CTNNBL1: variants seen among roughly 807,000 people sequenced by gnomAD.
CTNNBL1 encodes the protein beta-catenin-like protein 1.
A neutral mutation model predicts 72.7 loss-of-function variants in CTNNBL1; 31 were observed. The observed-to-expected ratio is 0.43, with a 90% CI of 0.32 to 0.58. The LOEUF (loss-of-function observed/expected upper bound fraction) is 0.58. CTNNBL1 is among the 20% of genes least tolerant of loss of function. The pLI is 0.08. For synonymous variants in CTNNBL1, 240 were observed against 267.3 expected (o/e 0.90, Z 1.00); for missense variants, 534 against 725.1 (o/e 0.74, Z 3.03).
At position 37,775,171 on chromosome 20, in the gene CTNNBL1, T is replaced by A. The variant is rs115345364; in HGVS notation, c.751-2174T>A. ...ACAATTTATTAGCCATTTGAGAAGA[T>A]AATACACACAAATTGAAAGAAAAAA... is the stretch of plus-strand genomic sequence containing the variant. On this transcript the variant is annotated intron_variant, in intron 7 of 15. Coordinates refer to ENST00000361383, the MANE Select transcript of CTNNBL1 (RefSeq NM_030877.5). Among the ~76,000 whole-genome samples, 1,107 of 152,332 alleles carry A rather than the reference T, an allele frequency of 7.3e-3. 15 individuals are homozygous for A. The highest frequency in any genetic ancestry group is 0.026 in the African/African-American group (1,065 of 41,580).
At chr20:37,771,508 CCA>C (rs923711653) in intron 7 of CTNNBL1, among the ~76,000 whole-genome samples, 31 of 152,158 alleles carry the variant, frequency 2.0e-4, no homozygotes, top group African/African-American at 7.2e-4. Flanking sequence ...TTACCCAGGC[CCA>C]GTTTGACCTT....
At chr20:37,812,253 T>C (rs947832575) in intron 11 of CTNNBL1, among the ~76,000 whole-genome samples, 2 of 152,236 alleles carry the variant, frequency 1.3e-5, no homozygotes, top group Non-Finnish European at 2.9e-5. Context: ...GCATTCAATA[T>C]GGTAATATAG....
At chr20:37,787,878 C>T (rs1425548342) in intron 10 of CTNNBL1, among the ~76,000 whole-genome samples, 1 of 151,910 alleles carries the variant, frequency 6.6e-6, no homozygotes, top group East Asian at 1.9e-4. Flanking sequence ...AGAAATGTGG[C>T]TTTATTTCTT....
intron 11 of CTNNBL1, among the ~76,000 whole-genome samples, chr20:37,811,143 G>T (rs2072009095): frequency 6.6e-6 from 1 of 152,096 alleles, no homozygotes; most frequent in Admixed American, 6.5e-5. Context: ...CTAGAGGCGG[G>T]CTGTAAATAT....
At chr20:37,724,714 A>G (rs1395240701) in intron 1 of CTNNBL1, among the ~76,000 whole-genome samples, 1 of 152,196 alleles carries the variant, frequency 6.6e-6, no homozygotes, top group African/African-American at 2.4e-5. Context: ...ATCCAGATGT[A>G]CACAAGCATT....
intron 1 of CTNNBL1, among the ~76,000 whole-genome samples, chr20:37,712,278 A>T (rs1164210341): frequency 6.6e-6 from 1 of 152,194 alleles, no homozygotes; most frequent in East Asian, 1.9e-4. Context: ...GGAGAGAATG[A>T]AGAAAGCATC....
chr20:37,792,022 G>A (rs1403341825), intron 10 of CTNNBL1, among the ~76,000 whole-genome samples: 1 of 152,102 alleles, frequency 6.6e-6, no homozygotes, highest in African/African-American at 2.4e-5. Context: ...ATTTGTTCCA[G>A]TAGTCTTTTT....
At chr20:37,733,717 CA>C (rs2073149188) in intron 2 of CTNNBL1, among the ~76,000 whole-genome samples, 3 of 152,168 alleles carry the variant, frequency 2.0e-5, no homozygotes, top group Admixed American at 2.0e-4. Flanking sequence ...TGTAGCCCTG[CA>C]AGCCATTCTC....
At chr20:37,827,332 A>G (rs950767293) in intron 11 of CTNNBL1, among the ~76,000 whole-genome samples, 12 of 152,236 alleles carry the variant, frequency 7.9e-5, no homozygotes, top group African/African-American at 1.9e-4. Flanking sequence ...GTAAATATCT[A>G]GGAATGGAAT....
At chr20:37,775,195 AAT>A (rs969377302) in intron 7 of CTNNBL1, among the ~76,000 whole-genome samples, 14 of 152,214 alleles carry the variant, frequency 9.2e-5, no homozygotes, top group Non-Finnish European at 1.6e-4. Flanking sequence ...TGAAAGAAAA[AAT>A]ATTTTTATTT....
Position 37,694,058 on chromosome 20 carries a change from C to T in CTNNBL1, c.-65C>T. On this transcript the variant is annotated 5_prime_UTR_variant, in exon 1 of 16. Coordinates refer to ENST00000361383, the MANE Select transcript of CTNNBL1 (RefSeq NM_030877.5). ...CTTTACGGCAGTGTGGCTGGAGCCG[C>T]GGCTGACGGGCCCGCGGTCTGGGCG... 1 of 1,562,758 alleles carries T rather than the reference C, an allele frequency of 6.4e-7. No homozygotes were observed. The highest frequency in any genetic ancestry group is 8.7e-7 in the Non-Finnish European group (1 of 1,149,818).
At chr20:37,871,817 G>A (rs1568821649) in intron 15 of CTNNBL1, 108 bp from the exon 16 acceptor site, 10 of 956,056 alleles carry the variant, frequency 1.0e-5, no homozygotes, top group African/African-American at 9.7e-5. Context: ...GCATTAGGGC[G>A]ACTTGCACCT....
chr20:37,854,761 G>A (rs1323457510), intron 13 of CTNNBL1, among the ~76,000 whole-genome samples: 1 of 151,754 alleles, frequency 6.6e-6, no homozygotes, highest in Non-Finnish European at 1.5e-5. Context: ...GTTAATTTTT[G>A]AATTTTTAGT....
intron 11 of CTNNBL1, among the ~76,000 whole-genome samples, chr20:37,830,102 G>T (rs577944662): frequency 6.7e-6 from 1 of 149,404 alleles, no homozygotes; most frequent in East Asian, 2.0e-4. Flanking sequence ...CCAAAGTGCT[G>T]GGATTACAAG....
intron 1 of CTNNBL1, among the ~76,000 whole-genome samples, chr20:37,721,425 C>A (rs918396168): frequency 5.9e-5 from 9 of 152,260 alleles, no homozygotes; most frequent in Non-Finnish European, 1.0e-4. Context: ...GTGTTATAAA[C>A]CCTTAATCAA....
chr20:37,864,023 C>A lies in CTNNBL1; in HGVS notation c.1603+3679C>A, dbSNP rs183924791. Among the ~76,000 whole-genome samples the A allele has an allele frequency of 3.3e-5, 5 of 152,190 alleles. No homozygotes were observed. In the East Asian group the frequency reaches 7.7e-4, roughly 24 times the overall value. On this transcript the variant is annotated intron_variant, in intron 15 of 15. Transcript: ENST00000361383. ...GCAGTGTGGCCTGCCTCTGGGAGCA[C>A]CCCCTGAACAGGGTGCTGCAAGGAC...
At chr20:37,862,792 C>T (rs2072502929) in intron 15 of CTNNBL1, among the ~76,000 whole-genome samples, 1 of 151,978 alleles carries the variant, frequency 6.6e-6, no homozygotes. Context: ...CCCCATCACC[C>T]TTCATAGCCA....
At chr20:37,732,165 G>A (rs1455485089) in intron 1 of CTNNBL1, among the ~76,000 whole-genome samples, 1 of 152,130 alleles carries the variant, frequency 6.6e-6, no homozygotes, top group Admixed American at 6.5e-5. Flanking sequence ...GATTAGTGAT[G>A]GTAAGCATTT....
At chr20:37,772,508 C>A (rs1348981793) in intron 7 of CTNNBL1, among the ~76,000 whole-genome samples, 2 of 152,182 alleles carry the variant, frequency 1.3e-5, no homozygotes, top group East Asian at 3.8e-4. Context: ...GCCACCACAT[C>A]CGGCTAATTT....
Sources: allele counts gnomAD v4.1 joint callset (sites outside exome capture counted in the v4.1 genomes callset), GRCh38; gene constraint gnomAD v4.1.1; transcripts MANE v1.5; gene names NCBI Gene and HGNC (gene_info 2026-07-23, HGNC 2026-07-21).